The following JAZF1 variants were observed in gnomAD, a reference collection of about 807,000 sequenced individuals.
JAZF1 encodes the protein juxtaposed with another zinc finger protein 1.
JAZF1 carries 8 observed loss-of-function variants against 26.4 expected under a neutral mutation model. The observed-to-expected ratio is 0.30, with a 90% CI of 0.18 to 0.55. The LOEUF (loss-of-function observed/expected upper bound fraction) is 0.55, where lower values mean the gene tolerates loss of function less well. Among genes scored for constraint, JAZF1 ranks in the 20% least tolerant of loss-of-function variants. The pLI is 0.94. For synonymous variants in JAZF1, 126 were observed against 122.3 expected (o/e 1.03, Z -0.20); for missense variants, 199 against 322.0 (o/e 0.62, Z 2.92).
At chr7:28,053,283 G>A (rs545957782) in intron 1 of JAZF1, among the ~76,000 whole-genome samples, 7 of 152,040 alleles carry the variant, frequency 4.6e-5, no homozygotes, top group African/African-American at 7.2e-5. Flanking sequence ...AAATAATTTC[G>A]GCGTGCAAAT....
intron 1 of JAZF1, among the ~76,000 whole-genome samples, chr7:28,018,922 G>A (rs969179056): frequency 1.3e-5 from 2 of 152,130 alleles, no homozygotes; most frequent in African/African-American, 4.8e-5. Flanking sequence ...CACTTGATAT[G>A]GACAAAAAGG....
intron 1 of JAZF1, among the ~76,000 whole-genome samples, chr7:28,144,036 G>C (rs968803260): frequency 1.3e-5 from 2 of 152,192 alleles, no homozygotes; most frequent in Admixed American, 1.3e-4. Context: ...GTTGCTGGGT[G>C]GGTGTGTTAA....
chr7:28,094,286 A>G (rs909397364), intron 1 of JAZF1, among the ~76,000 whole-genome samples: 3 of 152,092 alleles, frequency 2.0e-5, no homozygotes, highest in Non-Finnish European at 2.9e-5. Flanking sequence ...TTTTCCCATC[A>G]ATACAGATCC....
intron 4 of JAZF1, among the ~76,000 whole-genome samples, chr7:27,838,840 C>A (rs908775438): frequency 3.9e-5 from 6 of 152,138 alleles, no homozygotes; most frequent in African/African-American, 1.4e-4. Context: ...AGGAAACTCA[C>A]GCTTCCCTCG....
At chr7:28,107,591 G>A (rs962660463) in intron 1 of JAZF1, among the ~76,000 whole-genome samples, 1 of 152,138 alleles carries the variant, frequency 6.6e-6, no homozygotes, top group Non-Finnish European at 1.5e-5. Context: ...TAAGCCAGAG[G>A]CCACCATGGC....
chr7:28,079,289 C>T lies in JAZF1; in HGVS notation c.116-87308G>A, dbSNP rs1206812686. 5.9e-5 allele frequency among the ~76,000 whole-genome samples: 9 copies of T among 152,130 alleles called. No individual in the cohort carries two copies. The East Asian group carries it at 9.7e-4, about 16-fold the overall frequency. On this transcript the variant is annotated intron_variant, in intron 1 of 4. Transcript: ENST00000283928. ...ATTACAGGTGTGAGCCAACCACACCCGGCCATGCGCATAATTTAAAAGATG... is the reference window on the plus strand; with the variant it reads ...ATTACAGGTGTGAGCCAACCACACCTGGCCATGCGCATAATTTAAAAGATG...
chr7:28,107,460 T>C (rs1027947319), intron 1 of JAZF1, among the ~76,000 whole-genome samples: 1 of 152,174 alleles, frequency 6.6e-6, no homozygotes, highest in African/African-American at 2.4e-5. Context: ...TCCCTCCAAA[T>C]TGATGAAACC....
chr7:27,932,605 C>T (rs1784702625), intron 2 of JAZF1, among the ~76,000 whole-genome samples: 1 of 152,102 alleles, frequency 6.6e-6, no homozygotes, highest in African/African-American at 2.4e-5. Flanking sequence ...TATCCCAAAC[C>T]ATTTTAATGT....
intron 1 of JAZF1, among the ~76,000 whole-genome samples, chr7:28,091,994 A>G (rs1412734767): frequency 6.6e-6 from 1 of 152,146 alleles, no homozygotes; most frequent in African/African-American, 2.4e-5. Flanking sequence ...TAATTACACA[A>G]GTACATGGCA....
intron 1 of JAZF1, among the ~76,000 whole-genome samples, chr7:28,152,165 A>T (rs903615789): frequency 7.9e-5 from 12 of 152,218 alleles, no homozygotes; most frequent in Admixed American, 1.3e-4. Flanking sequence ...AAACAACAAC[A>T]ACTACTACTA....
chr7:28,052,841 T>TA (rs1377005301), intron 1 of JAZF1, among the ~76,000 whole-genome samples: 1 of 151,836 alleles, frequency 6.6e-6, no homozygotes, highest in African/African-American at 2.4e-5. Flanking sequence ...CTGATTGTGG[T>TA]AAAAAATATA....
chr7:27,903,005 G>C (rs1401189354), intron 2 of JAZF1, among the ~76,000 whole-genome samples: 5 of 118,666 alleles, frequency 4.2e-5, no homozygotes, highest in African/African-American at 6.5e-5. Context: ...GACAGAGCGA[G>C]ACTCCGTCTT....
rs538421390 is a variant in JAZF1 at position 27,928,502 on chromosome 7, T to C, written c.189-33086A>G. ...GAAGAAAACACAATTCTTAAAAGCT[T>C]GCTTTTGTTAAGTTCTGATATAGTA... On this transcript the variant is annotated intron_variant, in intron 2 of 4. Transcript: ENST00000283928. 3.9e-4 allele frequency among the ~76,000 whole-genome samples: 60 copies of C among 152,350 alleles called. 1 individual carries two copies. The highest frequency in any genetic ancestry group is 1.4e-3 in the African/African-American group (59 of 41,572).
At chr7:28,163,863 T>C (rs200745714) in intron 1 of JAZF1, among the ~76,000 whole-genome samples, 2 of 152,352 alleles carry the variant, frequency 1.3e-5, no homozygotes, top group East Asian at 3.9e-4. Flanking sequence ...CTATTTCTGA[T>C]AAAATGCATC....
intron 2 of JAZF1, among the ~76,000 whole-genome samples, chr7:27,936,431 CT>C (rs1489750594): frequency 1.3e-5 from 2 of 152,168 alleles, no homozygotes; most frequent in Non-Finnish European, 2.9e-5. Flanking sequence ...CATGCTTCAA[CT>C]GGATTAGTGA....
intron 2 of JAZF1, among the ~76,000 whole-genome samples, chr7:27,944,173 A>T (rs1238389690): frequency 6.6e-6 from 1 of 152,196 alleles, no homozygotes; most frequent in African/African-American, 2.4e-5. Flanking sequence ...TACAAAAGGA[A>T]CTACATCTTG....
intron 2 of JAZF1, among the ~76,000 whole-genome samples, chr7:27,905,897 GAAGAA>G (rs1239057394): frequency 1.3e-5 from 2 of 152,076 alleles, no homozygotes; most frequent in African/African-American, 2.4e-5. Context: ...CTGTTTTGAT[GAAGAA>G]AAGCCACAAT....
intron 3 of JAZF1, among the ~76,000 whole-genome samples, chr7:27,852,137 T>TA (rs2128334356): frequency 1.3e-5 from 2 of 151,732 alleles, no homozygotes; most frequent in South Asian, 2.1e-4. Context: ...GGACTTTTTT[T>TA]TTTTTTTTCT....
At chr7:28,093,798 C>A (rs530916804) in intron 1 of JAZF1, among the ~76,000 whole-genome samples, 2 of 152,348 alleles carry the variant, frequency 1.3e-5, no homozygotes, top group Admixed American at 6.5e-5. Context: ...TGTCCACTGT[C>A]TCTTTTCAAA....
Sources: allele counts gnomAD v4.1 joint callset (sites outside exome capture counted in the v4.1 genomes callset), GRCh38; gene constraint gnomAD v4.1.1; transcripts MANE v1.5; gene names NCBI Gene and HGNC (gene_info 2026-07-23, HGNC 2026-07-21).